GALNT3: variants seen among roughly 807,000 people sequenced by gnomAD.
GALNT3 encodes the protein polypeptide N-acetylgalactosaminyltransferase 3.
A neutral mutation model predicts 69.8 loss-of-function variants in GALNT3; 51 were observed. The observed-to-expected ratio is 0.73, with a 90% CI of 0.58 to 0.92. The LOEUF is 0.92. GALNT3 is among the 40% of genes least tolerant of loss of function. GALNT3 has a pLI of 0.00. For missense variants in GALNT3, 711 were observed against 760.0 expected (o/e 0.94, Z 0.76); for synonymous variants, 265 against 248.5 (o/e 1.07, Z -0.63).
chr2:165,749,232 A>G (rs1043296659), intron 10 of GALNT3, among the ~76,000 whole-genome samples: 6 of 152,162 alleles, frequency 3.9e-5, no homozygotes, highest in African/African-American at 1.4e-4. Context: ...AACGTTTTCT[A>G]GTACTGCACA....
In GALNT3 at chr2:165,757,345, A is replaced by G. The variant is rs1688464321; in HGVS notation, c.1192-98T>C. On this transcript the variant is annotated intron_variant, in intron 6 of 10. Coordinates refer to ENST00000392701, the MANE Select transcript of GALNT3 (RefSeq NM_004482.4). ...TTAAGGTATTATGAAAAACAAAATT[A>G]GAGAAGAGATTACAATATTACAAAT... The G allele has an allele frequency of 1.2e-5, 13 of 1,129,988 alleles. No homozygotes were observed. The East Asian group carries it at 3.3e-4, about 29-fold the overall frequency. The allele number at this position is 1,129,988 out of a possible 1,614,324, so 70.0% of individuals were successfully genotyped here.
chr2:165,774,645 A>C (rs1490859419), intron 1 of GALNT3, among the ~76,000 whole-genome samples: 1 of 152,160 alleles, frequency 6.6e-6, no homozygotes, highest in African/African-American at 2.4e-5. Flanking sequence ...AAAGGAGTCA[A>C]GGAAAGCTCA....
At position 165,765,316 on chromosome 2, in the gene GALNT3, C is replaced by T. The variant is rs1163341477; in HGVS notation, c.516-260G>A. On this transcript the variant is annotated intron_variant, in intron 2 of 10. Coordinates refer to ENST00000392701, the MANE Select transcript of GALNT3 (RefSeq NM_004482.4). Reference sequence around the variant, plus strand: ...GATTACAACATGTTATTATAGCTTTCTCAACAATGTAATTTTAAATGCAAA... The same window carrying T: ...GATTACAACATGTTATTATAGCTTTTTCAACAATGTAATTTTAAATGCAAA... 2.6e-5 allele frequency among the ~76,000 whole-genome samples: 4 copies of T among 152,186 alleles called. No individual in the cohort carries two copies. The South Asian group carries it at 6.2e-4, about 24-fold the overall frequency.
rs892207276 is a variant in GALNT3, at chr2:165,757,048, T to C, written c.1391A>G (p.Gln464Arg). 1 of 1,610,026 alleles carries C rather than the reference T, an allele frequency of 6.2e-7. No homozygotes were observed. ...TTTAACTACTTAGCTTTAACTTACT[T>C]GTTTAACAATTTTTGCTGCATCTGT... Reference protein sequence around the residue: ...RNTDAAKIVKQKAFGDLSKRF... With the variant: ...RNTDAAKIVKRKAFGDLSKRF... Residue 464 changes from glutamine (Q) to arginine (R), a missense_variant and splice_region_variant, in exon 7 of 11, where the codon CAA becomes CGA. Gln to Arg is a conservative substitution (Grantham distance 43). Coordinates refer to ENST00000392701, the MANE Select transcript of GALNT3 (RefSeq NM_004482.4).
rs1276037663 is a variant in GALNT3, at chr2:165,748,415, CA to C, written c.*365del. The C allele has an allele frequency of 7.3e-6, 2 of 275,044 alleles. No individual in the cohort carries two copies. The highest frequency in any genetic ancestry group is 1.4e-5 in the Non-Finnish European group (2 of 144,104). The allele number at this position is 275,044 out of a possible 1,614,324, so 17.0% of individuals were successfully genotyped here. ...TAACAAATCTTTCTTCCTATCCCCC[CA>C]AAAAACTAGGGGAAATATTTTAAAT... On this transcript the variant is annotated 3_prime_UTR_variant, in exon 11 of 11. Transcript: ENST00000392701.
At position 165,749,935 on chromosome 2, in the gene GALNT3, T is replaced by C. The variant is rs11900021; in HGVS notation, c.1627-41A>G. 819 of 1,566,902 alleles carry C rather than the reference T, an allele frequency of 5.2e-4. 1 individual carries two copies. In the African/African-American group the frequency reaches 0.01, roughly 19 times the overall value. ...CACTGTTACTGACAAAAGCAACCCA[T>C]GTGCTCAGTTGCAAAATAAATAAAT... On this transcript the variant is annotated intron_variant, in intron 9 of 10. Transcript: ENST00000392701.
chr2:165,780,542 TCA>T (rs576551859), intron 1 of GALNT3, among the ~76,000 whole-genome samples: 13 of 152,302 alleles, frequency 8.5e-5, no homozygotes, highest in African/African-American at 2.6e-4. Context: ...CCAGTATTAT[TCA>T]CAGTTACTCA....
At position 165,748,512 on chromosome 2, in the gene GALNT3, G is replaced by C. The variant is rs956438725; in HGVS notation, c.*269C>G. 8.9e-6 allele frequency: 4 copies of C among 449,160 alleles called. No individual in the cohort carries two copies. The highest frequency in any genetic ancestry group is 1.6e-5 in the Non-Finnish European group (4 of 246,572). 27.8% of individuals were successfully genotyped at this position (449,160 alleles called of 1,614,324 possible). ...AAAACACACAAACATCACTTTACTT[G>C]GAAAATTATTTTCATCATACTGTAA... On this transcript the variant is annotated 3_prime_UTR_variant, in exon 11 of 11. Coordinates refer to ENST00000392701, the MANE Select transcript of GALNT3 (RefSeq NM_004482.4).
At chr2:165,754,575 A>C in intron 9 of GALNT3, 52 bp downstream of exon 9, 1 of 1,299,206 alleles carries the variant, frequency 7.7e-7, no homozygotes, top group Non-Finnish European at 1.1e-6. Flanking sequence ...GCAACATCTC[A>C]CTTGTGCTTG....
chr2:165,776,001 A>G (rs1243390521), intron 1 of GALNT3, among the ~76,000 whole-genome samples: 2 of 152,186 alleles, frequency 1.3e-5, no homozygotes, highest in Non-Finnish European at 2.9e-5. Context: ...AGTTTTCCAA[A>G]AAGACTCAGG....
chr2:165,758,325 C>T (rs1246589390), intron 6 of GALNT3, among the ~76,000 whole-genome samples: 3 of 152,118 alleles, frequency 2.0e-5, no homozygotes, highest in African/African-American at 7.2e-5. Flanking sequence ...TTTATATTAA[C>T]TTATAATATG....
rs186905995 is a variant in GALNT3, at chr2:165,766,439, C to T, written c.516-1383G>A. On this transcript the variant is annotated intron_variant, in intron 2 of 10. Coordinates refer to ENST00000392701, the MANE Select transcript of GALNT3 (RefSeq NM_004482.4). ...CAATGAAAAATATCTTCATATTAAG[C>T]CACTGGGGTGCAGGAGAGTCTGCAT... Among the ~76,000 whole-genome samples the T allele has an allele frequency of 2.9e-3, 440 of 152,216 alleles. 3 individuals carry two copies. Among genetic ancestry groups the T allele is most frequent in the African/African-American group, 9.7e-3 (403 of 41,526 alleles).
chr2:165,758,500 A>G (rs1482583100), intron 6 of GALNT3: 1 of 330,664 alleles, frequency 3.0e-6, no homozygotes, highest in East Asian at 5.7e-5. Flanking sequence ...CTACAAGTGC[A>G]TTAATTGGTG....
chr2:165,785,123 A>G (rs1683192925), intron 1 of GALNT3, among the ~76,000 whole-genome samples: 1 of 152,222 alleles, frequency 6.6e-6, no homozygotes, highest in South Asian at 2.1e-4. Context: ...ACGCTAATGC[A>G]CTAGTGAAAT....
intron 9 of GALNT3, among the ~76,000 whole-genome samples, chr2:165,754,146 A>G (rs2105402216): frequency 6.6e-6 from 1 of 151,240 alleles, no homozygotes. Context: ...CTGGACCGCA[A>G]TTGTGTGATC....
chr2:165,770,058 T>C, intron 2 of GALNT3, 128 bp downstream of exon 2: 1 of 1,040,846 alleles, frequency 9.6e-7, no homozygotes, highest in African/African-American at 1.6e-5. Context: ...TACAACAGGT[T>C]AAATAAACAG....
chr2:165,761,890 T>C lies in GALNT3; in HGVS notation c.838+15A>G, dbSNP rs544346530. 3.7e-6 allele frequency: 6 copies of C among 1,613,624 alleles called. No individual in the cohort carries two copies. In the East Asian group the frequency reaches 1.1e-4, roughly 30 times the overall value. ...AGGGAAAATGTTACAACCATATCCA[T>C]ACATATATACTTACAGTGAGCATCT... On this transcript the variant is annotated intron_variant, in intron 4 of 10. Coordinates refer to ENST00000392701, the MANE Select transcript of GALNT3 (RefSeq NM_004482.4).
chr2:165,751,482 C>G (rs1041573418), intron 9 of GALNT3, among the ~76,000 whole-genome samples: 6 of 152,028 alleles, frequency 3.9e-5, no homozygotes, highest in African/African-American at 1.5e-4. Flanking sequence ...GAAAGATAAG[C>G]CTTAAGATCT....
At chr2:165,780,216 G>C (rs1683073621) in intron 1 of GALNT3, among the ~76,000 whole-genome samples, 2 of 152,142 alleles carry the variant, frequency 1.3e-5, no homozygotes, top group African/African-American at 4.8e-5. Flanking sequence ...CTGACATGCA[G>C]AATGTGTCAT....
Sources: gnomAD v4.1 joint callset for allele counts (sites outside exome capture counted in the v4.1 genomes callset) on GRCh38, gnomAD v4.1.1 for gene constraint, MANE v1.5 for transcripts, NCBI Gene and HGNC (gene_info 2026-07-23, HGNC 2026-07-21) for gene names.